Variants in ATP9A observed in about 807,000 individuals in gnomAD.
ATP9A encodes the protein ATPase phospholipid transporting 9A.
A neutral mutation model predicts 144.1 loss-of-function variants in ATP9A; 52 were observed. That is an observed-to-expected ratio of 0.36 (90% CI 0.29 to 0.45). The LOEUF (loss-of-function observed/expected upper bound fraction) is 0.45, where lower values mean the gene tolerates loss of function less well. Ranked by LOEUF, ATP9A falls within the 20% of genes least tolerant of loss-of-function variation. ATP9A has a pLI of 1.00. For missense variants in ATP9A, 947 were observed against 1,392.7 expected (o/e 0.68, Z 5.09); for synonymous variants, 582 against 557.4 (o/e 1.04, Z -0.62).
At chr20:51,763,593 A>ACG (rs2077891753) in intron 1 of ATP9A, among the ~76,000 whole-genome samples, 3 of 152,090 alleles carry the variant, frequency 2.0e-5, no homozygotes, top group South Asian at 2.1e-4. Flanking sequence ...GATTACAGGA[A>ACG]TGAGCCACCG....
chr20:51,625,472 G>A, intron 17 of ATP9A, 110 bp from the exon 18 acceptor site: 1 of 1,318,634 alleles, frequency 7.6e-7, no homozygotes, highest in Non-Finnish European at 1.0e-6. Flanking sequence ...CACGGGGTGG[G>A]GGACCCCAGC....
At chr20:51,688,438 C>A (rs1001171321) in intron 9 of ATP9A, among the ~76,000 whole-genome samples, 1 of 151,958 alleles carries the variant, frequency 6.6e-6, no homozygotes. Flanking sequence ...ACTAAAAATA[C>A]AAAAATTAGC....
chr20:51,753,487 C>CAACAAAA (rs1555845489), intron 1 of ATP9A, among the ~76,000 whole-genome samples: 1 of 147,152 alleles, frequency 6.8e-6, no homozygotes, highest in African/African-American at 2.6e-5. Context: ...ACAACAACAA[C>CAACAAAA]AAACCCACGT....
At chr20:51,652,315 A>T (rs1342376842) in intron 14 of ATP9A, among the ~76,000 whole-genome samples, 1 of 152,252 alleles carries the variant, frequency 6.6e-6, no homozygotes, top group South Asian at 2.1e-4. Flanking sequence ...AGGTTCCCCA[A>T]CTGGAATGTG....
At chr20:51,713,984 G>A (rs186695962) in intron 3 of ATP9A, among the ~76,000 whole-genome samples, 38 of 152,164 alleles carry the variant, frequency 2.5e-4, no homozygotes, top group African/African-American at 8.7e-4. Context: ...TCGGCTCACT[G>A]CATCCTCCAC....
chr20:51,753,219 C>T (rs2077840260), intron 1 of ATP9A, among the ~76,000 whole-genome samples: 1 of 152,160 alleles, frequency 6.6e-6, no homozygotes, highest in Non-Finnish European at 1.5e-5. Context: ...TTAGAGATGT[C>T]TATTCAAAGA....
intron 1 of ATP9A, among the ~76,000 whole-genome samples, chr20:51,751,642 C>T (rs905222932): frequency 1.3e-5 from 2 of 152,070 alleles, no homozygotes; most frequent in Admixed American, 6.6e-5. Flanking sequence ...GGCTGGAGTG[C>T]AATGGCGCAA....
intron 4 of ATP9A, among the ~76,000 whole-genome samples, chr20:51,706,353 C>T (rs894743247): frequency 2.0e-5 from 3 of 152,194 alleles, no homozygotes; most frequent in African/African-American, 7.2e-5. Context: ...GATGCTTTTC[C>T]TCTATTTTGT....
chr20:51,749,900 A>C (rs913109551), intron 1 of ATP9A, among the ~76,000 whole-genome samples: 2 of 152,060 alleles, frequency 1.3e-5, no homozygotes, highest in Non-Finnish European at 2.9e-5. Flanking sequence ...TAATCCCAGC[A>C]CTTTGGGAGA....
chr20:51,635,183 AG>A (rs1485451268), intron 15 of ATP9A, among the ~76,000 whole-genome samples: 1 of 152,178 alleles, frequency 6.6e-6, no homozygotes, highest in Non-Finnish European at 1.5e-5. Context: ...CTGACAGGGG[AG>A]CTGACTACAG....
intron 3 of ATP9A, among the ~76,000 whole-genome samples, chr20:51,713,448 G>T (rs898350287): frequency 2.0e-5 from 3 of 152,216 alleles, no homozygotes; most frequent in Non-Finnish European, 4.4e-5. Flanking sequence ...GTGCTGGGCA[G>T]TATTGGAAGT....
chr20:51,638,117 A>ATATATATATG (rs2077302654), intron 15 of ATP9A, among the ~76,000 whole-genome samples: 1 of 102,962 alleles, frequency 9.7e-6, no homozygotes, highest in Admixed American at 1.0e-4. Flanking sequence ...ATATATATAT[A>ATATATATATG]TATATATCTC....
In ATP9A at chr20:51,600,550, T is replaced by C. The variant is rs1010439785; in HGVS notation, c.*661A>G. 1.3e-5 allele frequency: 2 copies of C among 152,166 alleles called. No individual in the cohort carries two copies. The highest frequency in any genetic ancestry group is 2.4e-5 in the African/African-American group (1 of 41,438). The allele number at this position is 152,166 out of a possible 1,614,324, so 9.4% of individuals were successfully genotyped here. ...CTGAATCAGATCAAGGATAACAGAT[T>C]GGACTTAGGACACTCTCTCTCCCTC... is the stretch of plus-strand genomic sequence containing the variant. On this transcript the variant is annotated 3_prime_UTR_variant, in exon 28 of 28. Transcript: ENST00000338821.
rs2077387346 is a variant in ATP9A at position 51,656,489 on chromosome 20, G to A, written c.1506+449C>T. 3.3e-5 allele frequency among the ~76,000 whole-genome samples: 5 copies of A among 152,232 alleles called. 1 individual carries two copies. In the South Asian group the frequency reaches 1.0e-3, roughly 32 times the overall value. The stretch of plus-strand genomic sequence containing the variant: ...AATCGCTCGAACCCCAGAGTGGGTG[G>A]TTGTAGTGAGCCGAGATCACGCCAC... On this transcript the variant is annotated intron_variant, in intron 14 of 27. Coordinates refer to ENST00000338821, the MANE Select transcript of ATP9A (RefSeq NM_006045.3).
chr20:51,610,999 T>C (rs1402911495), intron 23 of ATP9A, among the ~76,000 whole-genome samples: 1 of 152,222 alleles, frequency 6.6e-6, no homozygotes, highest in Non-Finnish European at 1.5e-5. Context: ...CTTGAAGCTC[T>C]GTTAGCTCCA....
intron 27 of ATP9A, among the ~76,000 whole-genome samples, chr20:51,601,682 G>A (rs1234214756): frequency 6.6e-6 from 1 of 152,232 alleles, no homozygotes; most frequent in Admixed American, 6.5e-5. Flanking sequence ...AAGGCGGGCA[G>A]AAGAATTGAA....
chr20:51,618,682 C>T lies in ATP9A; in HGVS notation c.2330G>A (p.Gly777Asp). ...CCTACCTACTGCACAGGTGAGCTTGCCCGTGCGCTCCTGAAGCAGGCGCAC... is the reference window on the plus strand; with the variant it reads ...CCTACCTACTGCACAGGTGAGCTTGTCCGTGCGCTCCTGAAGCAGGCGCAC... ...QIVRLLQERT[G>D]KLTCAVGDGG... Residue 777 changes from glycine to aspartate, a missense_variant, in exon 21 of 28, where the codon GGC becomes GAC. Around this residue, in one of 2 missense-constraint regions of ATP9A, gnomAD observed 770 missense variants for 1,047.9 expected, o/e 0.73. Coordinates refer to ENST00000338821, the MANE Select transcript of ATP9A (RefSeq NM_006045.3). 6.2e-7 allele frequency: 1 copy of T among 1,612,696 alleles called. No individual in the cohort carries two copies. Among genetic ancestry groups the T allele is most frequent in the Non-Finnish European group, 8.5e-7 (1 of 1,179,902 alleles).
At chr20:51,630,795 C>A (rs373803033) in intron 15 of ATP9A, among the ~76,000 whole-genome samples, 63 of 152,308 alleles carry the variant, frequency 4.1e-4, no homozygotes, top group Middle Eastern at 6.8e-3. Flanking sequence ...ACTTAATTCA[C>A]CGTCCTTCAC....
chr20:51,726,537 G>A (rs2077713977), intron 2 of ATP9A, among the ~76,000 whole-genome samples: 1 of 152,010 alleles, frequency 6.6e-6, no homozygotes, highest in Non-Finnish European at 1.5e-5. Flanking sequence ...ATCTAACATG[G>A]AGGGGCACAC....
Sources: allele counts gnomAD v4.1 joint callset (sites outside exome capture counted in the v4.1 genomes callset), GRCh38; gene constraint gnomAD v4.1.1; regional missense constraint gnomAD v4.1.1; transcripts MANE v1.5; gene names NCBI Gene and HGNC (gene_info 2026-07-23, HGNC 2026-07-21).